CD163L1: variants seen among roughly 807,000 people sequenced by gnomAD.
CD163L1 encodes scavenger receptor cysteine-rich type 1 protein M160.
A neutral mutation model predicts 165.4 loss-of-function variants in CD163L1; 124 were observed. That is an observed-to-expected ratio of 0.75 (90% CI 0.65 to 0.87). The LOEUF is 0.87. Among genes scored for constraint, CD163L1 ranks in the 40% least tolerant of loss-of-function variants. CD163L1 has a pLI of 0.00. For synonymous variants in CD163L1, 585 were observed against 662.2 expected, an observed-to-expected ratio of 0.88 and a Z score of 1.79; for missense variants, 1,525 against 1,799.9, an observed-to-expected ratio of 0.85 and a Z score of 2.76.
At chr12:7,437,315 A>ATTATTT (rs201644930) in intron 2 of CD163L1, among the ~76,000 whole-genome samples, 10 of 105,214 alleles carry the variant, frequency 9.5e-5, no homozygotes, top group East Asian at 2.6e-4. Flanking sequence ...ATTAATGAAT[A>ATTATTT]TTATTTTTAT....
rs1555202345 is a variant in CD163L1, at chr12:7,421,466, T to TATATACATATATGTACATATATAC, written c.766+10949_766+10950insGTATATATGTACATATATGTATAT. The stretch of plus-strand genomic sequence containing the variant: ...ATATACATATATGTACATATATACA[T>TATATACATATATGTACATATATAC]ATATATACATATATGTACATATATA... On this transcript the variant is annotated intron_variant, in intron 4 of 19. Coordinates refer to ENST00000313599, the MANE Select transcript of CD163L1 (RefSeq NM_174941.6). 9.9e-4 allele frequency among the ~76,000 whole-genome samples: 92 copies of TATATACATATATGTACATATATAC among 92,878 alleles called. 8 individuals are homozygous for TATATACATATATGTACATATATAC. In the East Asian group the frequency reaches 0.019, roughly 19 times the overall value. 60.9% of individuals were successfully genotyped at this position (92,878 alleles called of 152,430 possible). A position where few individuals can be genotyped will look rare whatever the true frequency, so the allele number is the denominator to read the frequency against.
the CD163L1 span, chr12:7,320,650 A>G: frequency 8.1e-7 from 1 of 1,230,048 alleles, no homozygotes; most frequent in Non-Finnish European, 1.2e-6. Flanking sequence ...AGAAAATAAC[A>G]GGGTGTAGAT....
At chr12:7,336,588 A>G in the CD163L1 span, among the ~76,000 whole-genome samples, 1 of 152,116 alleles carries the variant, frequency 6.6e-6, no homozygotes, top group Non-Finnish European at 1.5e-5. Context: ...CAGCACACCA[A>G]TGTGGCACAT....
intron 5 of CD163L1, 161 bp from the exon 6 acceptor site, chr12:7,404,016 G>C: frequency 1.9e-6 from 1 of 515,714 alleles, no homozygotes; most frequent in Non-Finnish European, 3.2e-6. Context: ...AAATTTTAAA[G>C]ATTGAAATTT....
At chr12:7,427,359 T>C (rs1222510591) in intron 4 of CD163L1, among the ~76,000 whole-genome samples, 1 of 152,140 alleles carries the variant, frequency 6.6e-6, no homozygotes, top group Non-Finnish European at 1.5e-5. Flanking sequence ...ATAAAAATCA[T>C]GGAAAGATAT....
the CD163L1 span, among the ~76,000 whole-genome samples, chr12:7,329,337 TTTTTTTTTC>T: frequency 9.6e-5 from 9 of 94,024 alleles, no homozygotes; most frequent in African/African-American, 3.2e-4. Flanking sequence ...CCATATTTAA[TTTTTTTTTC>T]TTTTTTTTCT....
At chr12:7,367,091 A>G (rs969378985) in intron 18 of CD163L1, 145 bp downstream of exon 18, 6 of 435,280 alleles carry the variant, frequency 1.4e-5, no homozygotes, top group African/African-American at 9.9e-5. Flanking sequence ...ATTTTATTTT[A>G]TCTATTCCCC....
chr12:7,443,403 C>T (rs116238792), intron 1 of CD163L1, among the ~76,000 whole-genome samples: 173 of 152,256 alleles, frequency 1.1e-3, no homozygotes, highest in African/African-American at 3.9e-3. Flanking sequence ...TTTATTTCCA[C>T]GAAATGTCTA....
chr12:7,384,729 T>C (rs1947481477), intron 8 of CD163L1, among the ~76,000 whole-genome samples: 1 of 152,056 alleles, frequency 6.6e-6, no homozygotes, highest in South Asian at 2.1e-4. Context: ...ATATAAGGTC[T>C]TTCCCAGATA....
At chr12:7,349,043 G>A (rs928419958) in intron 4 of CD163L1, among the ~76,000 whole-genome samples, 3 of 151,972 alleles carry the variant, frequency 2.0e-5, no homozygotes, top group Admixed American at 6.5e-5. Context: ...AACCACACTG[G>A]TTAGCTAAAC....
chr12:7,360,859 G>T (rs771958586), intron 18 of CD163L1, among the ~76,000 whole-genome samples: 55 of 152,158 alleles, frequency 3.6e-4, no homozygotes, highest in African/African-American at 1.1e-3. Flanking sequence ...GGATAATTTT[G>T]GTTCGTATGT....
chr12:7,419,722 G>T (rs895462256), intron 4 of CD163L1, among the ~76,000 whole-genome samples: 1 of 151,742 alleles, frequency 6.6e-6, no homozygotes, highest in Non-Finnish European at 1.5e-5. Flanking sequence ...TGACCAAGTT[G>T]AGAATCAAAT....
At chr12:7,420,552 A>T (rs1948328888) in intron 4 of CD163L1, among the ~76,000 whole-genome samples, 1 of 152,074 alleles carries the variant, frequency 6.6e-6, no homozygotes, top group Admixed American at 6.6e-5. Flanking sequence ...GGCTAAGGAC[A>T]CAAATAGACA....
At chr12:7,422,457 C>T (rs760679270) in intron 4 of CD163L1, among the ~76,000 whole-genome samples, 4 of 151,706 alleles carry the variant, frequency 2.6e-5, no homozygotes, top group East Asian at 1.9e-4. Context: ...AATGACAGAA[C>T]GAGGCTTCAG....
chr12:7,406,394 A>G (rs187368605), intron 5 of CD163L1, 138 bp downstream of exon 5: 8 of 748,382 alleles, frequency 1.1e-5, no homozygotes, highest in East Asian at 8.1e-5. Flanking sequence ...GAAAGTGTCA[A>G]TTCTTACACA....
intron 2 of CD163L1, chr12:7,438,881 G>C: frequency 6.3e-7 from 1 of 1,586,498 alleles, no homozygotes; most frequent in South Asian, 1.1e-5. Context: ...TAACTCTGCA[G>C]CACTTTTGCC....
At chr12:7,338,620 T>C in the CD163L1 span, among the ~76,000 whole-genome samples, 1 of 152,194 alleles carries the variant, frequency 6.6e-6, no homozygotes. Context: ...TTACTCTGAA[T>C]ATCTGTCTAG....
chr12:7,332,092 C>T, the CD163L1 span, among the ~76,000 whole-genome samples: 2 of 152,208 alleles, frequency 1.3e-5, no homozygotes, highest in South Asian at 4.2e-4. Flanking sequence ...CCTTAAAGGA[C>T]CTGATGGAGC....
At chr12:7,392,602 CA>C (rs1347355941) in intron 8 of CD163L1, among the ~76,000 whole-genome samples, 1 of 151,826 alleles carries the variant, frequency 6.6e-6, no homozygotes, top group African/African-American at 2.4e-5. Flanking sequence ...GATAGAGACA[CA>C]AAAAAACCTT....
Sources: allele counts gnomAD v4.1 joint callset (sites outside exome capture counted in the v4.1 genomes callset), GRCh38; gene constraint gnomAD v4.1.1; transcripts MANE v1.5; gene names NCBI Gene and HGNC (gene_info 2026-07-23, HGNC 2026-07-21).